The following CSMD1 variants were observed in gnomAD, a reference collection of about 807,000 sequenced individuals.
The protein encoded by CSMD1 is CUB and sushi domain-containing protein 1.
A neutral mutation model predicts 417.5 loss-of-function variants in CSMD1; 213 were observed. The observed-to-expected ratio is 0.51, with a 90% confidence interval of 0.46 to 0.57. The LOEUF is 0.57. CSMD1 is among the 20% of genes least tolerant of loss of function. CSMD1 has a pLI of 0.00. For synonymous variants in CSMD1, 2,862 were observed against 1,736.8 expected (o/e 1.65, Z -16.11); for missense variants, 6,923 against 4,529.7 (o/e 1.53, Z -15.17).
chr8:3,781,757 A>G (rs760072198), intron 5 of CSMD1, among the ~76,000 whole-genome samples: 1 of 152,162 alleles, frequency 6.6e-6, no homozygotes, highest in African/African-American at 2.4e-5. Context: ...TCTGATAGAG[A>G]CAACAGAGGG....
chr8:4,119,838 T>G (rs1025129606), intron 3 of CSMD1, among the ~76,000 whole-genome samples: 1 of 152,192 alleles, frequency 6.6e-6, no homozygotes, highest in African/African-American at 2.4e-5. Context: ...CCTACACGTT[T>G]GTGTATGTTT....
intron 3 of CSMD1, among the ~76,000 whole-genome samples, chr8:4,221,110 C>T (rs1047383413): frequency 7.2e-5 from 11 of 152,074 alleles, no homozygotes; most frequent in East Asian, 3.9e-4. Flanking sequence ...AGGAATACAA[C>T]GGACAAGACA....
At chr8:4,634,960 C>G (rs1028650668) in intron 2 of CSMD1, among the ~76,000 whole-genome samples, 2 of 152,176 alleles carry the variant, frequency 1.3e-5, no homozygotes, top group Non-Finnish European at 2.9e-5. Context: ...TCACTCTGCA[C>G]TCCTCGAACG....
chr8:4,890,270 G>C (rs537058478), intron 1 of CSMD1, among the ~76,000 whole-genome samples: 92 of 152,238 alleles, frequency 6.0e-4, no homozygotes, highest in African/African-American at 2.1e-3. Flanking sequence ...AATTTGGTGA[G>C]AAACGAGAAA....
At position 3,268,289 on chromosome 8, in the gene CSMD1, ATTTTTTTTTTTTTTT is replaced by A. The variant is rs1163842745; in HGVS notation, c.4153+15840_4153+15854del. On this transcript the variant is annotated intron_variant, in intron 26 of 69. Coordinates refer to ENST00000635120, the MANE Select transcript of CSMD1 (RefSeq NM_033225.6). The stretch of plus-strand genomic sequence containing the variant: ...GGTGTGGTCAGATGGTTCATTTCCT[ATTTTTTTTTTTTTTT>A]TTTTTTTTTTGAGACGGAGTTTTGC... 5.9e-5 allele frequency among the ~76,000 whole-genome samples: 5 copies of A among 84,272 alleles called. No individual in the cohort carries two copies. The Admixed American group carries it at 6.3e-4, about 11-fold the overall frequency. The allele number at this position is 84,272 out of a possible 152,430, so 55.3% of individuals were successfully genotyped here. A position where few individuals can be genotyped will look rare whatever the true frequency, so the allele number is the denominator to read the frequency against.
chr8:4,339,097 C>T (rs1380829994), intron 3 of CSMD1, among the ~76,000 whole-genome samples: 2 of 152,008 alleles, frequency 1.3e-5, no homozygotes, highest in African/African-American at 4.8e-5. Context: ...TGAGTCTAGA[C>T]AAAAGAGCTC....
At chr8:4,411,715 T>C (rs544820370) in intron 3 of CSMD1, among the ~76,000 whole-genome samples, 36 of 152,342 alleles carry the variant, frequency 2.4e-4, no homozygotes, top group Non-Finnish European at 4.6e-4. Flanking sequence ...CATATATATA[T>C]GTGTGCTATG....
intron 1 of CSMD1, among the ~76,000 whole-genome samples, chr8:4,892,666 A>C (rs1804199160): frequency 6.6e-6 from 1 of 151,976 alleles, no homozygotes; most frequent in African/African-American, 2.4e-5. Flanking sequence ...CTTCAGACTT[A>C]TGTTTTCTAT....
chr8:4,385,809 G>C (rs897041009), intron 3 of CSMD1, among the ~76,000 whole-genome samples: 14 of 152,104 alleles, frequency 9.2e-5, no homozygotes, highest in African/African-American at 2.7e-4. Context: ...ATGTCTCATA[G>C]CTTAAAAATT....
At chr8:4,451,084 G>C (rs561675240) in intron 2 of CSMD1, among the ~76,000 whole-genome samples, 4 of 152,276 alleles carry the variant, frequency 2.6e-5, no homozygotes, top group African/African-American at 9.6e-5. Flanking sequence ...CAAGCACTTT[G>C]GGAGGCCAAG....
At chr8:4,361,803 A>C (rs1480463870) in intron 3 of CSMD1, among the ~76,000 whole-genome samples, 1 of 152,052 alleles carries the variant, frequency 6.6e-6, no homozygotes, top group Admixed American at 6.6e-5. Context: ...AAAATACAAA[A>C]AACTAGCCAG....
chr8:4,572,932 T>A (rs1448100521), intron 2 of CSMD1, among the ~76,000 whole-genome samples: 1 of 152,210 alleles, frequency 6.6e-6, no homozygotes, highest in Non-Finnish European at 1.5e-5. Flanking sequence ...TGTGTATGCG[T>A]CATGAAGTCC....
At chr8:3,084,450 G>A (rs568960044) in intron 49 of CSMD1, among the ~76,000 whole-genome samples, 1 of 148,194 alleles carries the variant, frequency 6.7e-6, no homozygotes, top group East Asian at 2.0e-4. Context: ...TTGAACCTGG[G>A]AGGCAGAAGT....
chr8:3,516,290 G>C (rs2078120383), intron 10 of CSMD1, among the ~76,000 whole-genome samples: 1 of 152,212 alleles, frequency 6.6e-6, no homozygotes, highest in African/African-American at 2.4e-5. Flanking sequence ...TAAATGCTAA[G>C]TTCTGGGATT....
At chr8:4,212,748 ATTCTTTTTTT>A (rs1470276010) in intron 3 of CSMD1, among the ~76,000 whole-genome samples, 99 of 101,904 alleles carry the variant, frequency 9.7e-4, no homozygotes, top group East Asian at 6.7e-3. Context: ...CAGCGGCCTT[ATTCTTTTTTT>A]TTTTTTTTTT....
chr8:4,663,193 G>C (rs912057606), intron 1 of CSMD1, among the ~76,000 whole-genome samples: 1 of 152,060 alleles, frequency 6.6e-6, no homozygotes, highest in Non-Finnish European at 1.5e-5. Context: ...TGGTTCTCTT[G>C]GCAAGACAAG....
At chr8:3,601,776 C>T (rs1228316010) in intron 8 of CSMD1, among the ~76,000 whole-genome samples, 1 of 152,170 alleles carries the variant, frequency 6.6e-6, no homozygotes, top group Non-Finnish European at 1.5e-5. Context: ...TCTCCCTGCT[C>T]CCTAATGTTT....
intron 9 of CSMD1, among the ~76,000 whole-genome samples, chr8:3,578,378 C>G (rs928992046): frequency 2.7e-5 from 4 of 150,932 alleles, no homozygotes; most frequent in Admixed American, 1.3e-4. Flanking sequence ...CTTAGAAATC[C>G]TCTAGTTAGA....
In CSMD1 at chr8:3,387,593, C is replaced by T. The variant is rs369227633; in HGVS notation, c.2683G>A (p.Val895Met). The T allele has an allele frequency of 1.0e-4, 167 of 1,601,052 alleles. 1 individual carries two copies. Among genetic ancestry groups the T allele is most frequent in the Middle Eastern group, 1.6e-4 (1 of 6,072 alleles). Residue 895 changes from valine to methionine, a missense_variant, in exon 18 of 70, where the codon GTG (valine) becomes ATG (methionine). Physicochemically the swap from Val to Met is conservative, Grantham distance 21 (BLOSUM62 1). Coordinates refer to ENST00000635120, the MANE Select transcript of CSMD1 (RefSeq NM_033225.6). ...HGGDFGIRSTVTFSCDPGYTL... is the reference protein window; with the variant it reads ...HGGDFGIRSTMTFSCDPGYTL... ...TACCCCGGGTCACAGCTGAAAGTCA[C>T]TGTGGACCTGATGCCAAAGTCTCCA...
Sources: gnomAD v4.1 joint callset for allele counts (sites outside exome capture counted in the v4.1 genomes callset) on GRCh38, gnomAD v4.1.1 for gene constraint, MANE v1.5 for transcripts, NCBI Gene and HGNC (gene_info 2026-07-23, HGNC 2026-07-21) for gene names.